The following SLC25A21 variants were observed in gnomAD, a reference collection of about 807,000 sequenced individuals.
SLC25A21 encodes mitochondrial 2-oxodicarboxylate carrier.
Under a neutral mutation model 43.8 loss-of-function variants are expected in SLC25A21, and 47 were observed. The observed-to-expected ratio is 1.07, with a 90% CI of 0.85 to 1.37. SLC25A21 has a LOEUF of 1.37. Among genes scored for constraint, SLC25A21 ranks in the 40% most tolerant of loss-of-function variants. The pLI is 0.00. For missense variants in SLC25A21, 352 were observed against 350.2 expected (o/e 1.00, Z -0.04); for synonymous variants, 131 against 121.3 (o/e 1.08, Z -0.52).
intron 1 of SLC25A21, among the ~76,000 whole-genome samples, chr14:36,909,045 A>G (rs1043811151): frequency 6.6e-6 from 1 of 152,046 alleles, no homozygotes; most frequent in African/African-American, 2.4e-5. Context: ...TGGCAGGGAA[A>G]ATAGAGGGAC....
chr14:37,067,128 G>A (rs1370955525), intron 1 of SLC25A21, among the ~76,000 whole-genome samples: 5 of 152,076 alleles, frequency 3.3e-5, no homozygotes, highest in Admixed American at 3.3e-4. Context: ...AAAAATAATG[G>A]GGAAGCAGGA....
chr14:36,697,231 T>C (rs1883068196), intron 7 of SLC25A21, among the ~76,000 whole-genome samples: 1 of 152,240 alleles, frequency 6.6e-6, no homozygotes, highest in Admixed American at 6.5e-5. Context: ...TGAGTGAGTT[T>C]CTTAATCCTG....
intron 3 of SLC25A21, among the ~76,000 whole-genome samples, chr14:36,769,298 T>C (rs1886532681): frequency 6.6e-6 from 1 of 152,240 alleles, no homozygotes. Context: ...ATTTTCTCCC[T>C]CTGGGAATTG....
At position 36,711,357 on chromosome 14, in the gene SLC25A21, G is replaced by A. The variant is rs746178554; in HGVS notation, c.564C>T (p.Gly188=). The part of the protein sequence containing the change: ...RHGVFNMVYF[G]FYYNVKNMIP... ...TCATGTTTTTGACATTGTAGTAGAA[G>A]CCAAAATAAACCATGTTGAAAACTC... is the stretch of plus-strand genomic sequence containing the variant. Residue 188 remains glycine, a synonymous_variant, in exon 7 of 10, where the codon GGC becomes GGT. Transcript: ENST00000331299. The A allele has an allele frequency of 6.2e-7, 1 of 1,614,080 alleles. No homozygotes were observed. The highest frequency in any genetic ancestry group is 1.3e-5 in the African/African-American group (1 of 75,040).
At chr14:36,749,214 C>T (rs1020982225) in intron 3 of SLC25A21, among the ~76,000 whole-genome samples, 2 of 152,200 alleles carry the variant, frequency 1.3e-5, no homozygotes, top group African/African-American at 4.8e-5. Flanking sequence ...TACCCTGGCT[C>T]AGGAGGCTGC....
intron 7 of SLC25A21, among the ~76,000 whole-genome samples, chr14:36,705,107 C>T (rs372892358): frequency 1.3e-4 from 20 of 152,126 alleles, no homozygotes; most frequent in African/African-American, 4.8e-4. Flanking sequence ...TGGGTGCAAT[C>T]TCTGCTCACT....
At chr14:36,755,174 G>C (rs1422798070) in intron 3 of SLC25A21, among the ~76,000 whole-genome samples, 1 of 152,098 alleles carries the variant, frequency 6.6e-6, no homozygotes, top group Non-Finnish European at 1.5e-5. Flanking sequence ...TAATGAATGA[G>C]GACAAATCTG....
rs191568632 is a variant in SLC25A21 at position 36,854,642 on chromosome 14, G to A, written c.119+20314C>T. On this transcript the variant is annotated intron_variant, in intron 2 of 9. Coordinates refer to ENST00000331299, the MANE Select transcript of SLC25A21 (RefSeq NM_030631.4). ...TGATTTTTATTACCATTATCACTAT[G>A]ATGTGTTTTTACAAGTTGTGCTTGG... Among the ~76,000 whole-genome samples, 410 of 152,290 alleles carry A rather than the reference G, an allele frequency of 2.7e-3. 2 individuals carry two copies. The highest frequency in any genetic ancestry group is 9.2e-3 in the African/African-American group (383 of 41,554).
intron 7 of SLC25A21, among the ~76,000 whole-genome samples, chr14:36,685,371 T>TTAAATCAAGGCTACTCGCGGTC (rs1882490082): frequency 2.0e-5 from 3 of 152,222 alleles, no homozygotes; most frequent in Non-Finnish European, 4.4e-5. Flanking sequence ...AAATGTTAAA[T>TTAAATCAAGGCTACTCGCGGTC]TAAATCAAGG....
chr14:36,694,838 T>C (rs1473429673), intron 7 of SLC25A21, among the ~76,000 whole-genome samples: 1 of 152,168 alleles, frequency 6.6e-6, no homozygotes, highest in Non-Finnish European at 1.5e-5. Flanking sequence ...ATTGCAAAAA[T>C]TTTCTCCCAT....
intron 1 of SLC25A21, among the ~76,000 whole-genome samples, chr14:36,991,730 A>G (rs903538743): frequency 2.4e-5 from 3 of 126,010 alleles, no homozygotes; most frequent in Non-Finnish European, 5.2e-5. Flanking sequence ...CATAACCAAT[A>G]CACAATACAG....
chr14:37,108,358 T>TACAA (rs1263576369), intron 1 of SLC25A21, among the ~76,000 whole-genome samples: 3 of 152,020 alleles, frequency 2.0e-5, no homozygotes, highest in African/African-American at 7.2e-5. Context: ...CAGGATAGAG[T>TACAA]ACAAACAAAT....
At chr14:37,019,956 C>T (rs1013902387) in intron 1 of SLC25A21, among the ~76,000 whole-genome samples, 5 of 151,820 alleles carry the variant, frequency 3.3e-5, no homozygotes, top group Admixed American at 2.0e-4. Context: ...TCTATCTCTC[C>T]TCACTAATAA....
At chr14:36,996,108 A>G (rs1264616630) in intron 1 of SLC25A21, among the ~76,000 whole-genome samples, 1 of 152,158 alleles carries the variant, frequency 6.6e-6, no homozygotes, top group Non-Finnish European at 1.5e-5. Flanking sequence ...TGTTTTCACC[A>G]TGACCATAGC....
chr14:37,047,126 A>G (rs1961603193), intron 1 of SLC25A21, among the ~76,000 whole-genome samples: 1 of 152,170 alleles, frequency 6.6e-6, no homozygotes, highest in Non-Finnish European at 1.5e-5. Flanking sequence ...GAAAGTCACA[A>G]TGAGTAAAAG....
intron 3 of SLC25A21, among the ~76,000 whole-genome samples, chr14:36,793,284 A>G (rs1430960271): frequency 6.6e-6 from 1 of 152,126 alleles, no homozygotes; most frequent in African/African-American, 2.4e-5. Flanking sequence ...GAAAACAGAA[A>G]TGGGATGTTG....
At chr14:36,867,292 G>T (rs1890239527) in intron 2 of SLC25A21, among the ~76,000 whole-genome samples, 1 of 152,048 alleles carries the variant, frequency 6.6e-6, no homozygotes, top group South Asian at 2.1e-4. Flanking sequence ...CCTTTTTCAT[G>T]AAATCTTCCC....
chr14:36,736,084 C>T (rs892307633), intron 3 of SLC25A21, among the ~76,000 whole-genome samples: 5 of 151,540 alleles, frequency 3.3e-5, no homozygotes, highest in African/African-American at 4.8e-5. Context: ...TACAGGCACC[C>T]GCCACCACGC....
chr14:37,063,547 C>G (rs1961995450), intron 1 of SLC25A21, among the ~76,000 whole-genome samples: 1 of 151,868 alleles, frequency 6.6e-6, no homozygotes, highest in African/African-American at 2.4e-5. Context: ...CATACTAGAA[C>G]AGGAAAACAT....
Sources: allele counts gnomAD v4.1 joint callset (sites outside exome capture counted in the v4.1 genomes callset), GRCh38; gene constraint gnomAD v4.1.1; transcripts MANE v1.5; gene names NCBI Gene and HGNC (gene_info 2026-07-23, HGNC 2026-07-21).